COL15A1: variants seen among roughly 807,000 people sequenced by gnomAD.
The protein encoded by COL15A1 is collagen type XV alpha 1 chain, also known as collagen alpha-1(XV) chain.
In COL15A1, 111 loss-of-function variants were observed where a neutral mutation model predicts 165.9. The observed-to-expected ratio is 0.67, with a 90% CI of 0.57 to 0.78. The LOEUF is 0.78. Ranked by LOEUF, COL15A1 falls within the 30% of genes least tolerant of loss-of-function variation. The pLI is 0.00. For synonymous variants in COL15A1, 659 were observed against 674.8 expected (o/e 0.98, Z 0.36); for missense variants, 1,745 against 1,789.7 (o/e 0.98, Z 0.45).
intron 35 of COL15A1, among the ~76,000 whole-genome samples, chr9:99,059,156 G>A (rs969503183): frequency 1.2e-4 from 18 of 152,134 alleles, no homozygotes; most frequent in Admixed American, 3.3e-4. Context: ...AGAATTATGT[G>A]TGCATTTCTC....
chr9:99,034,182 G>T (rs1309652383), intron 16 of COL15A1, among the ~76,000 whole-genome samples: 2 of 152,232 alleles, frequency 1.3e-5, no homozygotes, highest in African/African-American at 4.8e-5. Context: ...TCGCTTTAGA[G>T]TGGGTGAAGT....
Position 99,016,559 on chromosome 9 carries a change from C to G in COL15A1, c.1647+440C>G, listed in dbSNP as rs562513505. ...AGCAAATCCGTTGATTTCTTTGGCC[C>G]TCCGTTTCCTCATCTGTGAAAATGA... On this transcript the variant is annotated intron_variant, in intron 11 of 41. Transcript: ENST00000375001. 6.6e-5 allele frequency among the ~76,000 whole-genome samples: 10 copies of G among 152,324 alleles called. No individual in the cohort carries two copies. In the South Asian group the frequency reaches 2.1e-3, roughly 32 times the overall value.
At chr9:99,037,054 T>A (rs1316327316) in intron 21 of COL15A1, among the ~76,000 whole-genome samples, 1 of 152,204 alleles carries the variant, frequency 6.6e-6, no homozygotes, top group African/African-American at 2.4e-5. Flanking sequence ...AGATGGCTCT[T>A]TGATAGTCTA....
At chr9:99,009,252 C>A (rs1210098643) in intron 9 of COL15A1, among the ~76,000 whole-genome samples, 1 of 152,152 alleles carries the variant, frequency 6.6e-6, no homozygotes, top group African/African-American at 2.4e-5. Flanking sequence ...TAGTTAAAGA[C>A]ACAATTGACA....
chr9:99,055,252 C>T lies in COL15A1; in HGVS notation c.3082-10C>T. ...TCTTACTGAAATATTCCTGTGTTCT[C>T]TGCTTCCAGGGGGAGAATGGAGACA... On this transcript the variant is annotated splice_polypyrimidine_tract_variant and intron_variant, in intron 33 of 41. Coordinates refer to ENST00000375001, the MANE Select transcript of COL15A1 (RefSeq NM_001855.5). The T allele has an allele frequency of 6.2e-7, 1 of 1,602,684 alleles. No homozygotes were observed. Among genetic ancestry groups the T allele is most frequent in the Non-Finnish European group, 8.5e-7 (1 of 1,169,610 alleles).
At chr9:99,039,094 C>T (rs1044362078) in intron 22 of COL15A1, among the ~76,000 whole-genome samples, 11 of 152,156 alleles carry the variant, frequency 7.2e-5, no homozygotes, top group Admixed American at 1.3e-4. Flanking sequence ...TCCTTGTGCT[C>T]AAGGGAAACG....
chr9:98,999,815 C>T (rs1041850424), intron 6 of COL15A1, among the ~76,000 whole-genome samples: 12 of 150,618 alleles, frequency 8.0e-5, no homozygotes, highest in Non-Finnish European at 1.3e-4. Context: ...CCACCATGCC[C>T]GGCCAATGAA....
chr9:98,983,029 CT>C (rs1259153458), intron 2 of COL15A1, among the ~76,000 whole-genome samples: 2 of 152,152 alleles, frequency 1.3e-5, no homozygotes, highest in Non-Finnish European at 2.9e-5. Flanking sequence ...TAATTACTCG[CT>C]TTTTTTAAAA....
intron 2 of COL15A1, among the ~76,000 whole-genome samples, chr9:98,965,734 A>T (rs1837945020): frequency 6.6e-6 from 1 of 151,992 alleles, no homozygotes; most frequent in African/African-American, 2.4e-5. Flanking sequence ...TCCCCTTCCC[A>T]GTGTCCCCCA....
intron 35 of COL15A1, 40 bp downstream of exon 35, chr9:99,056,444 A>G (rs746398920): frequency 1.9e-6 from 3 of 1,554,662 alleles, no homozygotes; most frequent in Non-Finnish European, 2.6e-6. Flanking sequence ...TGCTGTCCCT[A>G]CCATTGTGTT....
At chr9:98,951,899 G>A (rs1212533880) in intron 2 of COL15A1, among the ~76,000 whole-genome samples, 1 of 152,138 alleles carries the variant, frequency 6.6e-6, no homozygotes, top group Non-Finnish European at 1.5e-5. Context: ...ATAGTACCTG[G>A]GGACCCCCAA....
At chr9:98,970,119 A>C (rs1411219097) in intron 2 of COL15A1, among the ~76,000 whole-genome samples, 1 of 152,174 alleles carries the variant, frequency 6.6e-6, no homozygotes, top group Non-Finnish European at 1.5e-5. Flanking sequence ...TATGCAAGTA[A>C]AGCACTTCGT....
At chr9:99,020,948 T>C (rs1236241702) in intron 12 of COL15A1, among the ~76,000 whole-genome samples, 1 of 152,244 alleles carries the variant, frequency 6.6e-6, no homozygotes, top group Non-Finnish European at 1.5e-5. Context: ...ATGATGACCC[T>C]GCGGTGTGGG....
At chr9:98,950,497 C>T (rs1837662532) in intron 2 of COL15A1, among the ~76,000 whole-genome samples, 1 of 129,834 alleles carries the variant, frequency 7.7e-6, no homozygotes, top group Non-Finnish European at 1.6e-5. Context: ...CCTTCCCTCC[C>T]TCCCTTCCTT....
intron 9 of COL15A1, among the ~76,000 whole-genome samples, chr9:99,012,197 G>T (rs144031375): frequency 6.6e-6 from 1 of 152,214 alleles, no homozygotes; most frequent in East Asian, 1.9e-4. Flanking sequence ...GACTTAAGTC[G>T]TGTGAACTTG....
chr9:99,031,854 G>T (rs1175922078), intron 16 of COL15A1, among the ~76,000 whole-genome samples: 2 of 152,114 alleles, frequency 1.3e-5, no homozygotes, highest in Non-Finnish European at 2.9e-5. Context: ...AATTATTTTT[G>T]TTAGAGTAGG....
intron 12 of COL15A1, among the ~76,000 whole-genome samples, chr9:99,021,823 G>A (rs749894003): frequency 1.9e-4 from 29 of 152,200 alleles, no homozygotes; most frequent in Non-Finnish European, 7.3e-5. Flanking sequence ...GATAAATCCT[G>A]GAAGAAGGGA....
chr9:99,030,738 C>A (rs1444454367), intron 16 of COL15A1, among the ~76,000 whole-genome samples: 2 of 152,346 alleles, frequency 1.3e-5, no homozygotes, highest in African/African-American at 2.4e-5. Flanking sequence ...GCCGGCCATG[C>A]AGCTACAAGG....
chr9:98,945,165 T>A (rs72737259), intron 2 of COL15A1, among the ~76,000 whole-genome samples: 2,153 of 152,354 alleles, frequency 0.014, 19 homozygotes, highest in Middle Eastern at 0.024. Context: ...GCAGTAACTA[T>A]GTGTTGGAAA....
Sources: allele counts gnomAD v4.1 joint callset (sites outside exome capture counted in the v4.1 genomes callset), GRCh38; gene constraint gnomAD v4.1.1; transcripts MANE v1.5; gene names NCBI Gene and HGNC (gene_info 2026-07-23, HGNC 2026-07-21).